The following RGMA variants were observed in gnomAD, a reference collection of about 807,000 sequenced individuals.
The protein encoded by RGMA is repulsive guidance molecule BMP co-receptor a, also known as repulsive guidance molecule A.
In RGMA, 10 loss-of-function variants were observed where a neutral mutation model predicts 23.2. That is an observed-to-expected ratio of 0.43 (90% confidence interval 0.27 to 0.73). The LOEUF is 0.73. Among genes scored for constraint, RGMA ranks in the 30% least tolerant of loss-of-function variants. The probability of loss-of-function intolerance (pLI) is 0.20; values close to 1 mark genes in which losing one functional copy is unlikely to be tolerated. For synonymous variants in RGMA, 308 were observed against 279.3 expected, an observed-to-expected ratio of 1.10 and a Z score of -1.03; for missense variants, 547 against 630.5, an observed-to-expected ratio of 0.87 and a Z score of 1.42.
chr15:93,063,493 T>C (rs918265204), intron 2 of RGMA, among the ~76,000 whole-genome samples: 8 of 152,228 alleles, frequency 5.3e-5, no homozygotes, highest in African/African-American at 1.9e-4. Context: ...TTGAGATGCC[T>C]GAGGCTGCCT....
chr15:93,048,918 G>A (rs555124173), intron 3 of RGMA, among the ~76,000 whole-genome samples: 127 of 151,966 alleles, frequency 8.4e-4, no homozygotes, highest in African/African-American at 2.8e-3. Flanking sequence ...GGGGGGCGGC[G>A]TCCTGCTTTC....
Position 93,045,840 on chromosome 15 carries a change from T to A in RGMA, c.646-135A>T. The A allele has an allele frequency of 1.5e-6, 1 of 650,242 alleles. No individual in the cohort carries two copies. Among genetic ancestry groups the A allele is most frequent in the South Asian group, 1.9e-5 (1 of 53,780 alleles). 40.3% of individuals were successfully genotyped at this position (650,242 alleles called of 1,614,324 possible). On this transcript the variant is annotated intron_variant, in intron 3 of 3. Transcript: ENST00000329082. The surrounding 1 kb of genome is among the most constrained non-coding windows in gnomAD (Gnocchi z 6.9). ...TGCCCCAGACACTCCCTTCTCCAGG[T>A]TGGACAGATCAGTTCCACCTGCGCA...
Position 93,044,774 on chromosome 15 carries a change from T to A in RGMA, c.*224A>T. The A allele has an allele frequency of 6.8e-6, 4 of 586,088 alleles. No individual in the cohort carries two copies. In the Admixed American group the frequency reaches 9.1e-5, roughly 13 times the overall value. The allele number at this position is 586,088 out of a possible 1,614,324, so 36.3% of individuals were successfully genotyped here. ...GGGGCGAGGGGAGCTGCTCTCCCTC[T>A]CACACAGCTCTACTGTCAAACATCA... On this transcript the variant is annotated 3_prime_UTR_variant, in exon 4 of 4. Coordinates refer to ENST00000329082, the MANE Select transcript of RGMA (RefSeq NM_020211.3).
chr15:93,052,527 C>A lies in RGMA; in HGVS notation c.131-20G>T. The A allele has an allele frequency of 6.5e-7, 1 of 1,545,986 alleles. No individual in the cohort carries two copies. The highest frequency in any genetic ancestry group is 1.7e-4 in the Middle Eastern group (1 of 5,858). On this transcript the variant is annotated intron_variant, in intron 2 of 3. Coordinates refer to ENST00000329082, the MANE Select transcript of RGMA (RefSeq NM_020211.3). Reference sequence around the variant, plus strand: ...AGGTGGCTGAGGAGAAAGGAACGAACACACCGTCGGGGTGCAGCCTGGCAA... The same window carrying A: ...AGGTGGCTGAGGAGAAAGGAACGAAAACACCGTCGGGGTGCAGCCTGGCAA...
chr15:93,044,581 C>A lies in RGMA; in HGVS notation c.*417G>T. On this transcript the variant is annotated 3_prime_UTR_variant, in exon 4 of 4. Transcript: ENST00000329082. ...GCTCTCGTGTAAGAGTGTGTGCGTG[C>A]GTGTGGCGGGCACAGGGGGCCCCAC... 1 of 248,444 alleles carries A rather than the reference C, an allele frequency of 4.0e-6. No homozygotes were observed. The highest frequency in any genetic ancestry group is 7.9e-6 in the Non-Finnish European group (1 of 127,124). 15.4% of individuals were successfully genotyped at this position (248,444 alleles called of 1,614,324 possible). A position where few individuals can be genotyped will look rare whatever the true frequency, so the allele number is the denominator to read the frequency against.
At chr15:93,062,176 C>T (rs1337574749) in intron 2 of RGMA, among the ~76,000 whole-genome samples, 2 of 152,156 alleles carry the variant, frequency 1.3e-5, no homozygotes, top group Non-Finnish European at 2.9e-5. Flanking sequence ...CTGTGGCCTG[C>T]GTGGGAACTG....
Position 93,044,658 on chromosome 15 carries a change from G to C in RGMA, c.*340C>G. 1 of 366,912 alleles carries C rather than the reference G, an allele frequency of 2.7e-6. No homozygotes were observed. Among genetic ancestry groups the C allele is most frequent in the Non-Finnish European group, 5.0e-6 (1 of 199,646 alleles). The allele number at this position is 366,912 out of a possible 1,614,324, so 22.7% of individuals were successfully genotyped here. On this transcript the variant is annotated 3_prime_UTR_variant, in exon 4 of 4. Coordinates refer to ENST00000329082, the MANE Select transcript of RGMA (RefSeq NM_020211.3). Reference sequence around the variant, plus strand: ...CCTTTCAGTGCATTGCGAGGGGGAAGGAGCTGACTCTGACGGTTCCCAGTG... The same window carrying C: ...CCTTTCAGTGCATTGCGAGGGGGAACGAGCTGACTCTGACGGTTCCCAGTG...
intron 2 of RGMA, chr15:93,065,879 C>G: frequency 1.4e-6 from 1 of 729,380 alleles, no homozygotes; most frequent in Non-Finnish European, 2.5e-6. Flanking sequence ...GGCTCTACCC[C>G]GTCAGTGCTC....
At chr15:93,072,864 T>C in intron 2 of RGMA, 52 bp downstream of exon 2, 1 of 1,558,692 alleles carries the variant, frequency 6.4e-7, no homozygotes, top group Non-Finnish European at 8.7e-7. Flanking sequence ...GGCCCAGCAT[T>C]GAGGGGCGGC....
At chr15:93,070,297 G>T (rs887168290) in intron 2 of RGMA, among the ~76,000 whole-genome samples, 2 of 152,158 alleles carry the variant, frequency 1.3e-5, no homozygotes, top group Non-Finnish European at 2.9e-5. Flanking sequence ...ACTCCTATAG[G>T]CTTACTCCTG....
At chr15:93,062,536 G>T (rs1261448989) in intron 2 of RGMA, among the ~76,000 whole-genome samples, 1 of 152,154 alleles carries the variant, frequency 6.6e-6, no homozygotes, top group Non-Finnish European at 1.5e-5. Flanking sequence ...GGCCAGACAC[G>T]GAAACCTAGA....
chr15:93,044,848 C>A lies in RGMA; in HGVS notation c.*150G>T. ...TCACGTGCACTAGAAGGGGAGGGGT[C>A]CGTGCCTGAGCCCTTGGCAGCAGGC... is the stretch of plus-strand genomic sequence containing the variant. On this transcript the variant is annotated 3_prime_UTR_variant, in exon 4 of 4. Transcript: ENST00000329082. 1 of 642,670 alleles carries A rather than the reference C, an allele frequency of 1.6e-6. No individual in the cohort carries two copies. Among genetic ancestry groups the A allele is most frequent in the Non-Finnish European group, 2.7e-6 (1 of 369,846 alleles). 39.8% of individuals were successfully genotyped at this position (642,670 alleles called of 1,614,324 possible).
intron 1 of RGMA, among the ~76,000 whole-genome samples, chr15:93,087,556 T>C (rs1895659082): frequency 6.7e-6 from 1 of 149,410 alleles, no homozygotes; most frequent in Admixed American, 6.7e-5. Context: ...CCAGTTCTCC[T>C]CCTGTTGCCC....
In RGMA at chr15:93,043,244, G is replaced by GCGCAGAGGCACGCACGCGCA. The variant is rs1555447874; in HGVS notation, c.*1753_*1754insTGCGCGTGCGTGCCTCTGCG. 2.0e-5 allele frequency: 3 copies of GCGCAGAGGCACGCACGCGCA among 149,562 alleles called. No homozygotes were observed. The highest frequency in any genetic ancestry group is 4.4e-5 in the Non-Finnish European group (3 of 67,438). The allele number at this position is 149,562 out of a possible 1,614,324, so 9.3% of individuals were successfully genotyped here. ...CATGCGCACACATGCGTACATGCAC[G>GCGCAGAGGCACGCACGCGCA]CACACAGGCACGCACACACACAGGC... On this transcript the variant is annotated 3_prime_UTR_variant, in exon 4 of 4. Transcript: ENST00000329082.
At chr15:93,055,202 C>G (rs1321856553) in intron 2 of RGMA, among the ~76,000 whole-genome samples, 1 of 152,148 alleles carries the variant, frequency 6.6e-6, no homozygotes, top group South Asian at 2.1e-4. Context: ...TGGCCACGCT[C>G]AAGCTCCGGT....
intron 3 of RGMA, among the ~76,000 whole-genome samples, chr15:93,051,774 G>A (rs1474040365): frequency 6.6e-6 from 1 of 152,242 alleles, no homozygotes; most frequent in African/African-American, 2.4e-5. Context: ...CCCCATTTGT[G>A]AAGTGGAGCT....
chr15:93,089,024 G>A lies in RGMA; in HGVS notation c.-92C>T. 1 of 771,808 alleles carries A rather than the reference G, an allele frequency of 1.3e-6. No individual in the cohort carries two copies. Among genetic ancestry groups the A allele is most frequent in the East Asian group, 3.5e-5 (1 of 28,716 alleles). The allele number at this position is 771,808 out of a possible 1,614,324, so 47.8% of individuals were successfully genotyped here. The stretch of plus-strand genomic sequence containing the variant: ...CGCTCGTCTGCCCCGGGGCAAGGTG[G>A]GAGGGGCTCCGCTGGCGCTGGTCCC... On this transcript the variant is annotated 5_prime_UTR_variant, in exon 1 of 4. Transcript: ENST00000329082.
chr15:93,060,061 A>C (rs2055077780), intron 2 of RGMA, among the ~76,000 whole-genome samples: 1 of 152,190 alleles, frequency 6.6e-6, no homozygotes. Context: ...TGCAGTCCAG[A>C]AAGTTATACC....
chr15:93,045,723 AG>A lies in RGMA; in HGVS notation c.646-19del, dbSNP rs1166754062. 6.3e-7 allele frequency: 1 copy of A among 1,580,812 alleles called. No homozygotes were observed. Among genetic ancestry groups the A allele is most frequent in the Non-Finnish European group, 8.6e-7 (1 of 1,162,696 alleles). ...ATGGTGAGCTGCCGGGGAAAGGGGC[AG>A]AGGAGAGTGGGTGAGGCACAGTGGG... On this transcript the variant is annotated intron_variant, in intron 3 of 3. Transcript: ENST00000329082. The surrounding 1 kb of genome is among the most constrained non-coding windows in gnomAD (Gnocchi z 6.9).
Sources: gnomAD v4.1 joint callset for allele counts (sites outside exome capture counted in the v4.1 genomes callset) on GRCh38, gnomAD v4.1.1 for gene constraint, Gnocchi (gnomAD v3.1) non-coding constraint, MANE v1.5 for transcripts, NCBI Gene and HGNC (gene_info 2026-07-23, HGNC 2026-07-21) for gene names.